The following CDH18 variants were observed in gnomAD, a reference collection of about 807,000 sequenced individuals.
CDH18 encodes cadherin-18.
CDH18 carries 31 observed loss-of-function variants against 67.9 expected under a neutral mutation model. That is an observed-to-expected ratio of 0.46 (90% CI 0.34 to 0.62). The LOEUF (loss-of-function observed/expected upper bound fraction) is 0.62. CDH18 is among the 20% of genes least tolerant of loss of function. The pLI is 0.01. For missense variants in CDH18, 890 were observed against 975.5 expected, an observed-to-expected ratio of 0.91 and a Z score of 1.17; for synonymous variants, 362 against 347.2, an observed-to-expected ratio of 1.04 and a Z score of -0.48.
At chr5:20,415,985 C>A (rs1188351747) in intron 1 of CDH18, among the ~76,000 whole-genome samples, 1 of 151,462 alleles carries the variant, frequency 6.6e-6, no homozygotes, top group African/African-American at 2.4e-5. Flanking sequence ...GAAACTGGGG[C>A]AAGGAAAAAA....
intron 1 of CDH18, among the ~76,000 whole-genome samples, chr5:20,551,928 G>C (rs2126623062): frequency 6.6e-6 from 1 of 151,970 alleles, no homozygotes; most frequent in African/African-American, 2.4e-5. Flanking sequence ...CTTTTTTAAA[G>C]TATTTGAAAC....
chr5:19,826,261 C>T (rs1033863012), intron 3 of CDH18, among the ~76,000 whole-genome samples: 9 of 152,050 alleles, frequency 5.9e-5, no homozygotes, highest in South Asian at 2.1e-4. Context: ...CTCAGTGGCT[C>T]GCTGAAAGAG....
chr5:20,563,968 A>G (rs1037998898), intron 1 of CDH18, among the ~76,000 whole-genome samples: 1 of 152,136 alleles, frequency 6.6e-6, no homozygotes, highest in African/African-American at 2.4e-5. Context: ...AACCCATGGT[A>G]AGTTTAATCT....
intron 2 of CDH18, among the ~76,000 whole-genome samples, chr5:19,938,030 CAAATATATATTTATATATTT>C (rs1794461128): frequency 6.8e-6 from 1 of 146,514 alleles, no homozygotes; most frequent in East Asian, 2.0e-4. Flanking sequence ...ATATACATAG[CAAATATATATTTATATATTT>C]AAATATATAT....
intron 2 of CDH18, among the ~76,000 whole-genome samples, chr5:19,969,417 C>G (rs1201077436): frequency 6.6e-6 from 1 of 150,624 alleles, no homozygotes; most frequent in African/African-American, 2.5e-5. Flanking sequence ...CGGCACTATT[C>G]CCAATAGCAA....
intron 8 of CDH18, among the ~76,000 whole-genome samples, chr5:19,565,582 C>T (rs1423902528): frequency 1.3e-5 from 2 of 152,088 alleles, no homozygotes; most frequent in African/African-American, 2.4e-5. Context: ...TGGAAGAGTC[C>T]CCAAGAATGA....
chr5:20,362,910 G>T (rs2150073602), intron 1 of CDH18, among the ~76,000 whole-genome samples: 1 of 152,246 alleles, frequency 6.6e-6, no homozygotes. Flanking sequence ...AAGTGGGAAG[G>T]GAGCTTAGCA....
intron 3 of CDH18, among the ~76,000 whole-genome samples, chr5:19,767,016 T>C (rs1773180163): frequency 6.6e-6 from 1 of 151,742 alleles, no homozygotes; most frequent in South Asian, 2.1e-4. Flanking sequence ...TAATAAATAT[T>C]ATTAAAAATA....
intron 1 of CDH18, among the ~76,000 whole-genome samples, chr5:20,430,727 A>G (rs1389679007): frequency 6.6e-6 from 1 of 152,224 alleles, no homozygotes; most frequent in Non-Finnish European, 1.5e-5. Flanking sequence ...TGACAAATAG[A>G]TTCAACACCC....
intron 1 of CDH18, among the ~76,000 whole-genome samples, chr5:20,354,977 G>T (rs1369029910): frequency 1.3e-5 from 2 of 152,000 alleles, no homozygotes; most frequent in Non-Finnish European, 2.9e-5. Flanking sequence ...TTACTACGAG[G>T]GCCAATTACC....
intron 2 of CDH18, among the ~76,000 whole-genome samples, chr5:19,908,369 A>G (rs1020947594): frequency 6.6e-5 from 10 of 152,130 alleles, no homozygotes; most frequent in Admixed American, 6.6e-4. Flanking sequence ...TTATGTGAGC[A>G]TCTCCCATAA....
chr5:19,812,675 C>T (rs1778862693), intron 3 of CDH18, among the ~76,000 whole-genome samples: 1 of 152,006 alleles, frequency 6.6e-6, no homozygotes, highest in Non-Finnish European at 1.5e-5. Flanking sequence ...GTAATGGGTC[C>T]AAATGCATTA....
At chr5:19,650,884 AAT>A (rs1384707910) in intron 5 of CDH18, among the ~76,000 whole-genome samples, 7 of 152,030 alleles carry the variant, frequency 4.6e-5, no homozygotes, top group Non-Finnish European at 7.4e-5. Context: ...TTCAAGACAA[AAT>A]ATATTTTAAT....
At chr5:19,833,726 A>T (rs1052189375) in intron 3 of CDH18, among the ~76,000 whole-genome samples, 8 of 152,184 alleles carry the variant, frequency 5.3e-5, no homozygotes, top group African/African-American at 1.9e-4. Flanking sequence ...AGTTTTTAAC[A>T]TGAACGGATG....
intron 2 of CDH18, among the ~76,000 whole-genome samples, chr5:20,092,981 C>T (rs1475365085): frequency 6.6e-6 from 1 of 151,948 alleles, no homozygotes; most frequent in Non-Finnish European, 1.5e-5. Context: ...TTCTTGACTA[C>T]TGTTTTAAAT....
intron 2 of CDH18, among the ~76,000 whole-genome samples, chr5:19,942,063 GA>G (rs1329002159): frequency 6.6e-6 from 1 of 152,004 alleles, no homozygotes. Flanking sequence ...CAGGAAAGCA[GA>G]CTTCAAAAAA....
At chr5:19,477,050 G>A (rs1400035854) in intron 12 of CDH18, among the ~76,000 whole-genome samples, 3 of 150,820 alleles carry the variant, frequency 2.0e-5, no homozygotes, top group Non-Finnish European at 3.0e-5. Flanking sequence ...AGAAAAGGTA[G>A]TATTTGCTAC....
At chr5:20,023,164 C>T (rs1215523905) in intron 2 of CDH18, among the ~76,000 whole-genome samples, 1 of 152,130 alleles carries the variant, frequency 6.6e-6, no homozygotes, top group Admixed American at 6.5e-5. Flanking sequence ...TATTCTTTTA[C>T]AACCTTCCTT....
intron 1 of CDH18, among the ~76,000 whole-genome samples, chr5:20,461,882 A>G (rs530596520): frequency 2.6e-5 from 4 of 152,148 alleles, no homozygotes; most frequent in Non-Finnish European, 5.9e-5. Context: ...TAGGTACAAT[A>G]GTATCAAACG....
Sources: allele counts gnomAD v4.1 joint callset (sites outside exome capture counted in the v4.1 genomes callset), GRCh38; gene constraint gnomAD v4.1.1; transcripts MANE v1.5; gene names NCBI Gene and HGNC (gene_info 2026-07-23, HGNC 2026-07-21).